Variants in EED observed in about 807,000 individuals in gnomAD.
EED encodes the protein embryonic ectoderm development.
In EED, 9 loss-of-function variants were observed where a neutral mutation model predicts 61.0. The observed-to-expected ratio is 0.15, with a 90% CI of 0.09 to 0.26. EED has a LOEUF of 0.26. EED is among the 10% of genes least tolerant of loss of function. EED has a pLI of 1.00. For synonymous variants in EED, 187 were observed against 174.4 expected, an observed-to-expected ratio of 1.07 and a Z score of -0.57; for missense variants, 315 against 542.3, an observed-to-expected ratio of 0.58 and a Z score of 4.16.
intron 6 of EED, among the ~76,000 whole-genome samples, chr11:86,260,329 C>G (rs1181269400): frequency 6.6e-6 from 1 of 152,116 alleles, no homozygotes; most frequent in African/African-American, 2.4e-5. Flanking sequence ...TGGCCTCAAG[C>G]AATGTTCCCA....
chr11:86,268,499 A>G lies in EED; in HGVS notation c.904A>G (p.Arg302Gly), dbSNP rs1131692175. ...AATCCATTTTCCTGATTTTTCTACC[A>G]GAGACATACATAGGAATTATGTTGA... ...QKIHFPDFSTRDIHRNYVDCV... is the reference protein window; with the variant it reads ...QKIHFPDFSTGDIHRNYVDCV... Residue 302 changes from arginine to glycine, a missense_variant, in exon 9 of 12, where the codon AGA becomes GGA. Around this residue, in one of 2 missense-constraint regions of EED, gnomAD observed 205 missense variants for 455.4 expected, o/e 0.45. Coordinates refer to ENST00000263360, the MANE Select transcript of EED (RefSeq NM_003797.5). The G allele has an allele frequency of 6.2e-7, 1 of 1,608,602 alleles. No individual in the cohort carries two copies. Among genetic ancestry groups the G allele is most frequent in the Non-Finnish European group, 8.5e-7 (1 of 1,177,050 alleles).
chr11:86,244,775 A>G lies in EED; in HGVS notation c.-455A>G. ...CCCATTCCACAGACTTTCGCTCCCTAGCAGCGGGTCGGAGATCGAAGGAAC... is the reference window on the plus strand; with the variant it reads ...CCCATTCCACAGACTTTCGCTCCCTGGCAGCGGGTCGGAGATCGAAGGAAC... On this transcript the variant is annotated 5_prime_UTR_variant, in exon 1 of 12. Transcript: ENST00000263360. 1 of 232,280 alleles carries G rather than the reference A, an allele frequency of 4.3e-6. No individual in the cohort carries two copies. The highest frequency in any genetic ancestry group is 8.5e-6 in the Non-Finnish European group (1 of 117,230). The allele number at this position is 232,280 out of a possible 1,614,324, so 14.4% of individuals were successfully genotyped here.
chr11:86,268,624 TGTATGTGTGTGC>T (rs1285763981), intron 9 of EED, 63 bp downstream of exon 9: 99 of 1,150,846 alleles, frequency 8.6e-5, no homozygotes, highest in African/African-American at 7.0e-4. Flanking sequence ...TGTGTGTGTG[TGTATGTGTGTGC>T]GCATGTTGGA....
Position 86,252,138 on chromosome 11 carries a change from T to C in EED, c.268-10T>C. Reference sequence around the variant, plus strand: ...CATTAATCTTTTCTTATTTCATGATTATTTTATAGGAAGATCATAACCAAC... The same window carrying C: ...CATTAATCTTTTCTTATTTCATGATCATTTTATAGGAAGATCATAACCAAC... On this transcript the variant is annotated splice_polypyrimidine_tract_variant and intron_variant, in intron 2 of 11. Coordinates refer to ENST00000263360, the MANE Select transcript of EED (RefSeq NM_003797.5). 2 of 1,602,536 alleles carry C rather than the reference T, an allele frequency of 1.2e-6. No homozygotes were observed. Among genetic ancestry groups the C allele is most frequent in the Non-Finnish European group, 1.7e-6 (2 of 1,171,564 alleles).
chr11:86,273,027 AT>A (rs200927226), intron 9 of EED, among the ~76,000 whole-genome samples: 2 of 151,442 alleles, frequency 1.3e-5, no homozygotes, highest in African/African-American at 4.9e-5. Context: ...ATTTTACAAT[AT>A]TTTTTTTTCT....
At chr11:86,269,091 C>T (rs895416892) in intron 9 of EED, among the ~76,000 whole-genome samples, 2 of 152,148 alleles carry the variant, frequency 1.3e-5, no homozygotes, top group East Asian at 1.9e-4. Context: ...TGAATATCAG[C>T]TTAGCCCAGC....
chr11:86,260,881 C>T (rs1945809073), intron 6 of EED, among the ~76,000 whole-genome samples: 1 of 150,988 alleles, frequency 6.6e-6, no homozygotes, highest in African/African-American at 2.4e-5. Context: ...TTTAACCTGG[C>T]ATTAGAAAGT....
chr11:86,247,345 A>T (rs10898452), intron 1 of EED, among the ~76,000 whole-genome samples: 57,150 of 152,036 alleles, frequency 0.38, 11,088 homozygotes, highest in East Asian at 0.48. Flanking sequence ...GGTTACAAAC[A>T]AATTCAATTA....
chr11:86,266,325 T>G, intron 8 of EED, 109 bp downstream of exon 8: 1 of 948,744 alleles, frequency 1.1e-6, no homozygotes, highest in Non-Finnish European at 1.5e-6. Flanking sequence ...TAGAAGACCT[T>G]CTTTTAACTT....
rs771958151 is a variant in EED at position 86,277,217 on chromosome 11, A to G, written c.1125+79A>G. 25 of 1,337,014 alleles carry G rather than the reference A, an allele frequency of 1.9e-5. 1 individual carries two copies. Among genetic ancestry groups the G allele is most frequent in the Middle Eastern group, 2.1e-4 (1 of 4,770 alleles). 82.8% of individuals were successfully genotyped at this position (1,337,014 alleles called of 1,614,324 possible). On this transcript the variant is annotated intron_variant, in intron 10 of 11. Transcript: ENST00000263360. ...AATTCTAGCTTTTTCTGTTGTGTCCATGTTCTTTTTCCTTTACAAATCTAC... is the reference window on the plus strand; with the variant it reads ...AATTCTAGCTTTTTCTGTTGTGTCCGTGTTCTTTTTCCTTTACAAATCTAC...
chr11:86,270,131 G>T (rs1206238428), intron 9 of EED: 3 of 700,772 alleles, frequency 4.3e-6, no homozygotes, highest in South Asian at 1.5e-5. Flanking sequence ...GAGAGATCCA[G>T]TGTCTCCGAA....
the EED span, among the ~76,000 whole-genome samples, chr11:86,287,026 C>T: frequency 6.9e-6 from 1 of 143,936 alleles, no homozygotes; most frequent in African/African-American, 2.5e-5. Flanking sequence ...CCCAATCATA[C>T]ACACATATAG....
At chr11:86,261,019 T>C (rs1945813501) in intron 6 of EED, among the ~76,000 whole-genome samples, 1 of 152,084 alleles carries the variant, frequency 6.6e-6, no homozygotes, top group Non-Finnish European at 1.5e-5. Context: ...CACTGCTGCA[T>C]TGGGATTAAG....
intron 9 of EED, 29 bp downstream of exon 9, chr11:86,268,590 C>A (rs1422586947): frequency 2.7e-6 from 3 of 1,092,960 alleles, no homozygotes; most frequent in Non-Finnish European, 4.0e-6. Context: ...AGCTGTACTT[C>A]CATCGTGTGT....
chr11:86,253,432 A>G (rs1473236674), intron 3 of EED, among the ~76,000 whole-genome samples: 1 of 152,218 alleles, frequency 6.6e-6, no homozygotes, highest in Non-Finnish European at 1.5e-5. Context: ...TTTGTGCTCC[A>G]GTGTGCTGAT....
chr11:86,271,554 G>A (rs561463686), intron 9 of EED, among the ~76,000 whole-genome samples: 2 of 152,226 alleles, frequency 1.3e-5, no homozygotes, highest in South Asian at 4.2e-4. Context: ...GCAGTGTTAG[G>A]AACAGATATT....
chr11:86,245,200 C>T lies in EED; in HGVS notation c.-30C>T, dbSNP rs1945357365. 1 of 1,579,756 alleles carries T rather than the reference C, an allele frequency of 6.3e-7. No individual in the cohort carries two copies. The highest frequency in any genetic ancestry group is 2.3e-5 in the East Asian group (1 of 43,282). ...GGTGTGGCGGAGGCCCCGCCCCAGGCGGCAGGAACCTGGAGGGAGGCGGAG... is the reference window on the plus strand; with the variant it reads ...GGTGTGGCGGAGGCCCCGCCCCAGGTGGCAGGAACCTGGAGGGAGGCGGAG... On this transcript the variant is annotated 5_prime_UTR_variant, in exon 1 of 12. Coordinates refer to ENST00000263360, the MANE Select transcript of EED (RefSeq NM_003797.5).
In EED at chr11:86,266,201, C is replaced by A; in HGVS notation, c.845C>A (p.Pro282Gln). 1 of 1,593,200 alleles carries A rather than the reference C, an allele frequency of 6.3e-7. No individual in the cohort carries two copies. The highest frequency in any genetic ancestry group is 1.1e-5 in the South Asian group (1 of 87,944). ...ATTAAGGAATCTTATGATTATAATC[C>A]AAATAAAACTAACAGGTAACAGTTG... ...NAIKESYDYN[P>Q]NKTNRPFISQ... is the part of the protein sequence containing the mutation. The change falls in exon 8 of 12, where the codon CCA becomes CAA. Residue 282 changes from proline to glutamine, a missense_variant. Physicochemically the swap from Pro to Gln is moderately conservative, Grantham distance 76. Transcript: ENST00000263360.
At chr11:86,258,324 A>G (rs1453611666) in intron 6 of EED, among the ~76,000 whole-genome samples, 1 of 152,210 alleles carries the variant, frequency 6.6e-6, no homozygotes, top group Non-Finnish European at 1.5e-5. Flanking sequence ...AGGATTTCCT[A>G]TAGAATTTCT....
Sources: gnomAD v4.1 joint callset for allele counts (sites outside exome capture counted in the v4.1 genomes callset) on GRCh38, gnomAD v4.1.1 for gene constraint, gnomAD v4.1.1 regional missense constraint, MANE v1.5 for transcripts, NCBI Gene and HGNC (gene_info 2026-07-23, HGNC 2026-07-21) for gene names.